The following SEC62 variants were observed in gnomAD, a reference collection of about 807,000 sequenced individuals.
SEC62 encodes the protein SEC62 preprotein translocation factor, also known as translocation protein SEC62.
A neutral mutation model predicts 47.5 loss-of-function variants in SEC62; 10 were observed. The observed-to-expected ratio is 0.21, with a 90% CI of 0.13 to 0.36. The LOEUF is 0.36. Ranked by LOEUF, SEC62 falls within the 10% of genes least tolerant of loss-of-function variation. The pLI, the probability that SEC62 is intolerant of heterozygous loss-of-function variation, is 1.00. For missense variants in SEC62, 327 were observed against 464.1 expected (o/e 0.70, Z 2.71); for synonymous variants, 136 against 150.5 (o/e 0.90, Z 0.71).
intron 7 of SEC62, 54 bp downstream of exon 7, chr3:169,988,413 G>A (rs1222949504): frequency 6.3e-7 from 1 of 1,585,202 alleles, no homozygotes; most frequent in African/African-American, 1.3e-5. Context: ...TGAGCAGTTG[G>A]ACTGTAATTT....
intron 1 of SEC62, chr3:169,975,405 A>G (rs887538337): frequency 2.4e-6 from 1 of 414,352 alleles, no homozygotes; most frequent in Non-Finnish European, 4.4e-6. Context: ...CTTTGCCTCT[A>G]TCAACTTATA....
chr3:169,980,300 C>A (rs554196409), intron 3 of SEC62, among the ~76,000 whole-genome samples: 2 of 151,560 alleles, frequency 1.3e-5, no homozygotes, highest in African/African-American at 4.8e-5. Flanking sequence ...TCATTCCAAG[C>A]AAAGGGCATA....
chr3:169,975,580 A>G (rs748655477), intron 1 of SEC62, 28 bp from the exon 2 acceptor site: 3 of 1,355,516 alleles, frequency 2.2e-6, no homozygotes, highest in South Asian at 1.2e-5. Context: ...GTATATGATT[A>G]TACTAAATTA....
intron 7 of SEC62, among the ~76,000 whole-genome samples, chr3:169,989,661 A>G (rs997680893): frequency 3.9e-5 from 6 of 152,048 alleles, no homozygotes; most frequent in South Asian, 2.1e-4. Flanking sequence ...CTACTTGCTT[A>G]TTTTTAAATT....
chr3:169,990,536 A>G (rs771126873), intron 7 of SEC62, among the ~76,000 whole-genome samples: 3 of 152,124 alleles, frequency 2.0e-5, no homozygotes, highest in Non-Finnish European at 4.4e-5. Flanking sequence ...GTATGTGATA[A>G]GAAATTAGGT....
chr3:169,980,052 C>G (rs1410002790), intron 3 of SEC62, among the ~76,000 whole-genome samples: 1 of 151,552 alleles, frequency 6.6e-6, no homozygotes, highest in Non-Finnish European at 1.5e-5. Flanking sequence ...GTTTTAAAAC[C>G]ACTTACTCAA....
rs1469995849 is a variant in SEC62, at chr3:169,992,128, T to G, written c.731-466T>G. ...ATTCTTTTCCTACACCATGATCTTA[T>G]GAATACTTAAATTCCCAACTGATTG... On this transcript the variant is annotated intron_variant, in intron 7 of 7. Coordinates refer to ENST00000337002, the MANE Select transcript of SEC62 (RefSeq NM_003262.4). The surrounding 1 kb of genome is among the most constrained non-coding windows in gnomAD (Gnocchi z 4.0). Among the ~76,000 whole-genome samples, 1 of 152,222 alleles carries G rather than the reference T, an allele frequency of 6.6e-6. No homozygotes were observed. The highest frequency in any genetic ancestry group is 1.9e-4 in the East Asian group (1 of 5,200).
intron 1 of SEC62, among the ~76,000 whole-genome samples, chr3:169,972,722 C>T (rs1322588839): frequency 2.0e-5 from 3 of 151,920 alleles, no homozygotes; most frequent in African/African-American, 7.3e-5. Flanking sequence ...GCCACCCAAC[C>T]CATCCTACTC....
intron 1 of SEC62, among the ~76,000 whole-genome samples, chr3:169,973,504 A>T (rs1455586154): frequency 1.3e-5 from 2 of 152,196 alleles, no homozygotes; most frequent in South Asian, 2.1e-4. Context: ...CCTACAAAAA[A>T]TACAAAAAAT....
intron 5 of SEC62, chr3:169,985,428 G>A (rs1715080850): frequency 6.5e-6 from 1 of 154,988 alleles, no homozygotes; most frequent in African/African-American, 2.4e-5. Flanking sequence ...TTTTAGTAGA[G>A]GCAGGGTTTC....
chr3:169,975,747 G>T, intron 2 of SEC62, 31 bp downstream of exon 2: 3 of 1,425,308 alleles, frequency 2.1e-6, no homozygotes, highest in Non-Finnish European at 3.0e-6. Context: ...TCGTATTAGT[G>T]TACATATGTT....
chr3:169,971,415 C>T (rs977320493), intron 1 of SEC62, among the ~76,000 whole-genome samples: 1 of 152,248 alleles, frequency 6.6e-6, no homozygotes, highest in African/African-American at 2.4e-5. Context: ...CTGGCTTCAA[C>T]GCCAAAGCAA....
rs1715348868 is a variant in SEC62, at chr3:169,995,320, T to A, written c.*2257T>A. 6.6e-6 allele frequency: 1 copy of A among 152,188 alleles called. No individual in the cohort carries two copies. The highest frequency in any genetic ancestry group is 6.5e-5 in the Admixed American group (1 of 15,268). The allele number at this position is 152,188 out of a possible 1,614,324, so 9.4% of individuals were successfully genotyped here. A position where few individuals can be genotyped will look rare whatever the true frequency, so the allele number is the denominator to read the frequency against. On this transcript the variant is annotated 3_prime_UTR_variant, in exon 8 of 8. Coordinates refer to ENST00000337002, the MANE Select transcript of SEC62 (RefSeq NM_003262.4). ...AAGCAGGATTGAATTTACCAGAGGC[T>A]AAGTTCAGATAGTAAGAATAATGCA...
At chr3:169,984,499 C>T (rs906970457) in intron 5 of SEC62, among the ~76,000 whole-genome samples, 4 of 152,092 alleles carry the variant, frequency 2.6e-5, no homozygotes, top group Non-Finnish European at 4.4e-5. Flanking sequence ...TGGCAGATTG[C>T]CAGGCGTGCC....
At chr3:169,991,180 G>T (rs1715239666) in intron 7 of SEC62, among the ~76,000 whole-genome samples, 1 of 152,128 alleles carries the variant, frequency 6.6e-6, no homozygotes, top group South Asian at 2.1e-4. Context: ...GTATTTAAGT[G>T]ATCTTGCTTT....
At position 169,988,252 on chromosome 3, in the gene SEC62, T is replaced by C. The variant is rs1347204556; in HGVS notation, c.623T>C (p.Ile208Thr). 1.9e-6 allele frequency: 3 copies of C among 1,613,596 alleles called. No homozygotes were observed. The African/African-American group carries it at 4.0e-5, about 22-fold the overall frequency. ...VMGLILVIAV[I>T]AATLFPLWPA... ...TTTCTTGTTCCAGTGATTGCAGTAA[T>C]AGCGGCCACCCTCTTCCCCCTTTGG... Residue 208 changes from isoleucine to threonine, a missense_variant, in exon 7 of 8, where the codon ATA becomes ACA. Ile to Thr is a moderately conservative substitution (Grantham distance 89). Around this residue, in one of 3 missense-constraint regions of SEC62, gnomAD observed 99 missense variants for 194.0 expected, o/e 0.51. Coordinates refer to ENST00000337002, the MANE Select transcript of SEC62 (RefSeq NM_003262.4).
At position 169,994,818 on chromosome 3, in the gene SEC62, C is replaced by T. The variant is rs1446897349; in HGVS notation, c.*1755C>T. 2 of 152,042 alleles carry T rather than the reference C, an allele frequency of 1.3e-5. No homozygotes were observed. The highest frequency in any genetic ancestry group is 2.4e-5 in the African/African-American group (1 of 41,400). 9.4% of individuals were successfully genotyped at this position (152,042 alleles called of 1,614,324 possible). A position where few individuals can be genotyped will look rare whatever the true frequency, so the allele number is the denominator to read the frequency against. On this transcript the variant is annotated 3_prime_UTR_variant, in exon 8 of 8. Transcript: ENST00000337002. ...ATTACTGTGATAATACCCAGGCACT[C>T]AATATTCATCCTGAAATTTTTTATA...
chr3:169,989,480 C>G (rs1474905447), intron 7 of SEC62, among the ~76,000 whole-genome samples: 1 of 150,500 alleles, frequency 6.6e-6, no homozygotes, highest in African/African-American at 2.4e-5. Context: ...AATATCTAAG[C>G]CTGTTTGAAT....
At chr3:169,978,226 C>T (rs1205569922) in intron 3 of SEC62, among the ~76,000 whole-genome samples, 1 of 152,068 alleles carries the variant, frequency 6.6e-6, no homozygotes, top group African/African-American at 2.4e-5. Flanking sequence ...TTGCAGTGAG[C>T]CGAGGTTGCG....
Sources: gnomAD v4.1 joint callset for allele counts (sites outside exome capture counted in the v4.1 genomes callset) on GRCh38, gnomAD v4.1.1 for gene constraint, gnomAD v4.1.1 regional missense constraint, Gnocchi (gnomAD v3.1) non-coding constraint, MANE v1.5 for transcripts, NCBI Gene and HGNC (gene_info 2026-07-23, HGNC 2026-07-21) for gene names.